ZNF286A: variants seen among roughly 807,000 people sequenced by gnomAD.
ZNF286A encodes the protein zinc finger protein ZNF286.
Under a neutral mutation model 49.3 loss-of-function variants are expected in ZNF286A, and 34 were observed. The ratio of observed to expected loss-of-function variants is 0.69; its 90% confidence interval spans 0.52 to 0.92. The LOEUF is 0.92. Among genes scored for constraint, ZNF286A ranks in the 40% least tolerant of loss-of-function variants. The probability of loss-of-function intolerance (pLI) is 0.00; values close to 1 mark genes in which losing one functional copy is unlikely to be tolerated. For missense variants in ZNF286A, 462 were observed against 600.2 expected (o/e 0.77, Z 2.41); for synonymous variants, 155 against 200.4 (o/e 0.77, Z 1.91).
At chr17:15,712,624 T>C (rs932466806) in intron 5 of ZNF286A, among the ~76,000 whole-genome samples, 1 of 152,232 alleles carries the variant, frequency 6.6e-6, no homozygotes, top group African/African-American at 2.4e-5. Flanking sequence ...TCACTGTATT[T>C]ACCTAATTAT....
intron 3 of ZNF286A, 98 bp downstream of exon 3, chr17:15,701,338 A>G (rs1989761755): frequency 1.9e-6 from 2 of 1,046,416 alleles, no homozygotes; most frequent in Non-Finnish European, 1.4e-6. Flanking sequence ...ACTAAAGCCC[A>G]TCTGCAGAGC....
rs1989752740 is a variant in ZNF286A at position 15,701,236 on chromosome 17, C to G, written c.122C>G (p.Ser41Cys). 2 of 1,614,034 alleles carry G rather than the reference C, an allele frequency of 1.2e-6. No homozygotes were observed. Among genetic ancestry groups the G allele is most frequent in the Non-Finnish European group, 1.7e-6 (2 of 1,179,994 alleles). The change falls in exon 3 of 6, where the codon TCC becomes TGC. Residue 41 changes from serine (S) to cysteine (C), a missense_variant. Ser to Cys is a moderately radical substitution (Grantham distance 112). Transcript: ENST00000583566. The part of the protein sequence containing the change: ...EVAALRLTAR[S>C]QETVTFKDVA... Reference sequence around the variant, plus strand: ...GCTGCTCTGCGCCTCACGGCCAGATCCCAGGTGAGTGAGTGCTGATTATTG... The same window carrying G: ...GCTGCTCTGCGCCTCACGGCCAGATGCCAGGTGAGTGAGTGCTGATTATTG...
chr17:15,706,244 G>T (rs1990217927), intron 3 of ZNF286A, 143 bp from the exon 4 acceptor site: 2 of 632,174 alleles, frequency 3.2e-6, no homozygotes, highest in African/African-American at 1.8e-5. Context: ...CGAATCTGAC[G>T]ACCATTAGAA....
intron 5 of ZNF286A, among the ~76,000 whole-genome samples, chr17:15,712,023 C>T (rs1356295945): frequency 1.3e-5 from 2 of 151,996 alleles, no homozygotes; most frequent in Non-Finnish European, 2.9e-5. Flanking sequence ...AGGTGCCCGC[C>T]ACCACACCCG....
At position 15,708,395 on chromosome 17, in the gene ZNF286A, G is replaced by C. The variant is rs139765851; in HGVS notation, c.334+148G>C. The C allele has an allele frequency of 1.6e-4, 78 of 497,338 alleles. 3 individuals are homozygous for C. Among genetic ancestry groups the C allele is most frequent in the East Asian group, 1.3e-3 (38 of 29,274 alleles). 30.8% of individuals were successfully genotyped at this position (497,338 alleles called of 1,614,324 possible). A position where few individuals can be genotyped will look rare whatever the true frequency, so the allele number is the denominator to read the frequency against. On this transcript the variant is annotated intron_variant, in intron 5 of 5. Coordinates refer to ENST00000583566, the MANE Select transcript of ZNF286A (RefSeq NM_001130842.2). Reference sequence around the variant, plus strand: ...CATTTAAAATATATACAGAAGTCCAGAAAATAAAATAACATTCATGTATCC... The same window carrying C: ...CATTTAAAATATATACAGAAGTCCACAAAATAAAATAACATTCATGTATCC...
intron 5 of ZNF286A, among the ~76,000 whole-genome samples, chr17:15,710,917 A>AT (rs57532299): frequency 0.32 from 45,804 of 144,852 alleles, 7,215 homozygotes; most frequent in East Asian, 0.48. Flanking sequence ...TACAAGTTTA[A>AT]TTTTTTTTTT....
chr17:15,708,227 C>T lies in ZNF286A; in HGVS notation c.314C>T (p.Ala105Val). The T allele has an allele frequency of 1.3e-6, 2 of 1,588,986 alleles. No homozygotes were observed. The highest frequency in any genetic ancestry group is 1.7e-6 in the Non-Finnish European group (2 of 1,167,746). Reference sequence around the variant, plus strand: ...GAACCATTGAAGCTTGAGAGAAAAGCCCCCAAAAGCAGCTATTCAGGTGAG... The same window carrying T: ...GAACCATTGAAGCTTGAGAGAAAAGTCCCCAAAAGCAGCTATTCAGGTGAG... ...GKEPLKLERK[A>V]PKSSYSDMET... Residue 105 changes from alanine (A) to valine (V), a missense_variant, in exon 5 of 6, where the codon GCC becomes GTC. This residue lies in a region of ZNF286A where 259 missense variants were observed against 272.2 expected (regional missense o/e 0.95). Coordinates refer to ENST00000583566, the MANE Select transcript of ZNF286A (RefSeq NM_001130842.2).
chr17:15,704,969 GGGGGCCCAACT>G (rs1990109474), intron 3 of ZNF286A: 3 of 1,271,346 alleles, frequency 2.4e-6, no homozygotes, highest in African/African-American at 3.0e-5. Context: ...CGGCCGGGGC[GGGGGCCCAACT>G]GCTGCCGCTG....
chr17:15,711,304 C>T (rs1478276615), intron 5 of ZNF286A: 1 of 152,070 alleles, frequency 6.6e-6, no homozygotes, highest in Admixed American at 6.5e-5. Context: ...ATATATTTGC[C>T]TCTGTTTACT....
At position 15,716,818 on chromosome 17, in the gene ZNF286A, A is replaced by T; in HGVS notation, c.1094A>T (p.His365Leu). 1 of 1,613,842 alleles carries T rather than the reference A, an allele frequency of 6.2e-7. No individual in the cohort carries two copies. Among genetic ancestry groups the T allele is most frequent in the Non-Finnish European group, 8.5e-7 (1 of 1,179,826 alleles). The change falls in exon 6 of 6, where the codon CAT becomes CTT. Residue 365 changes from histidine to leucine, a missense_variant. His to Leu is a moderately conservative substitution (Grantham distance 99, BLOSUM62 -3). Transcript: ENST00000583566. Reference protein sequence around the residue: ...ECNECDKAFIHSSALIKHQRT... With the variant: ...ECNECDKAFILSSALIKHQRT... ...AATGAATGTGATAAAGCTTTTATTCATTCATCAGCACTCATTAAACATCAA... is the reference window on the plus strand; with the variant it reads ...AATGAATGTGATAAAGCTTTTATTCTTTCATCAGCACTCATTAAACATCAA...
At chr17:15,709,849 A>G (rs1379246066) in intron 5 of ZNF286A, 23 of 1,546,628 alleles carry the variant, frequency 1.5e-5, no homozygotes, top group South Asian at 2.4e-5. Context: ...TTGATTCCTT[A>G]TGTTCATCTT....
rs1967260680 is a variant in ZNF286A at position 15,719,395 on chromosome 17, C to CCT, written c.*2108_*2109dup. ...CTGAGTAGCTGCAGCGGAGGTTGTG[C>CCT]CTCTGGGCTTTAATATCACAAACAG... On this transcript the variant is annotated 3_prime_UTR_variant, in exon 6 of 6. Coordinates refer to ENST00000583566, the MANE Select transcript of ZNF286A (RefSeq NM_001130842.2). 1 of 146,034 alleles carries CCT rather than the reference C, an allele frequency of 6.8e-6. No homozygotes were observed. The highest frequency in any genetic ancestry group is 1.5e-5 in the Non-Finnish European group (1 of 66,708). The allele number at this position is 146,034 out of a possible 1,614,324, so 9.0% of individuals were successfully genotyped here.
chr17:15,714,152 C>T (rs942918850), intron 5 of ZNF286A, among the ~76,000 whole-genome samples: 14 of 148,774 alleles, frequency 9.4e-5, no homozygotes, highest in Admixed American at 2.0e-4. Flanking sequence ...AATGTTTATG[C>T]TTCCTTAGAC....
rs1567703678 is a variant in ZNF286A, at chr17:15,704,067, T to TTTA, written c.127-2318_127-2317insATT. ...AATAATTCTCTTATTATTATTATTA[T>TTTA]TTTTTTTTTTTTGCTTTTCCAACTT... On this transcript the variant is annotated intron_variant, in intron 3 of 5. Transcript: ENST00000583566. Among the ~76,000 whole-genome samples the TTTA allele has an allele frequency of 5.5e-5, 6 of 109,212 alleles. No homozygotes were observed. The South Asian group carries it at 2.0e-3, about 37-fold the overall frequency. 71.6% of individuals were successfully genotyped at this position (109,212 alleles called of 152,430 possible).
At chr17:15,711,865 C>T (rs953502073) in intron 5 of ZNF286A, among the ~76,000 whole-genome samples, 1 of 101,896 alleles carries the variant, frequency 9.8e-6, no homozygotes, top group South Asian at 4.1e-4. Flanking sequence ...AATCTGCCCC[C>T]CCCCCGGCTT....
Position 15,706,404 on chromosome 17 carries a change from G to A in ZNF286A, c.144G>A (p.Lys48=), listed in dbSNP as rs1567705727. 1 of 1,613,928 alleles carries A rather than the reference G, an allele frequency of 6.2e-7. No individual in the cohort carries two copies. The highest frequency in any genetic ancestry group is 8.5e-7 in the Non-Finnish European group (1 of 1,179,886). ...TARSQETVTF[K]DVAMDFTPEE... is the part of the protein sequence containing the mutation. The stretch of plus-strand genomic sequence containing the variant: ...TGTTTTAGGAAACAGTGACATTCAA[G>A]GATGTGGCCATGGACTTTACACCAG... Residue 48 remains lysine (K), a synonymous_variant, in exon 4 of 6, where the codon AAG becomes AAA. Transcript: ENST00000583566.
Position 15,717,190 on chromosome 17 carries a change from C to T in ZNF286A, c.1466C>T (p.Thr489Ile). The T allele has an allele frequency of 6.2e-7, 1 of 1,607,602 alleles. No individual in the cohort carries two copies. Among genetic ancestry groups the T allele is most frequent in the Non-Finnish European group, 8.5e-7 (1 of 1,176,838 alleles). Residue 489 changes from threonine (T) to isoleucine (I), a missense_variant, in exon 6 of 6, where the codon ACC becomes ATC. By Grantham distance (89) the Thr-to-Ile change is moderately conservative. Transcript: ENST00000583566. ...CTCATTCAACATCAGAGAACTCATA[C>T]CGGAGAGAAACCCTTTAGATGTAAT... ...SALIQHQRTH[T>I]GEKPFRCNEC...
rs538765649 is a variant in ZNF286A at position 15,700,836 on chromosome 17, A to G, written c.38-316A>G. Among the ~76,000 whole-genome samples the G allele has an allele frequency of 2.5e-5, 3 of 120,704 alleles. No individual in the cohort carries two copies. The East Asian group carries it at 8.3e-4, about 33-fold the overall frequency. 79.2% of individuals were successfully genotyped at this position (120,704 alleles called of 152,430 possible). ...GAGGTGGGGTCCAGCAATCTACATTATAAATAAGCTTTCAGAGTGAGAACC... is the reference window on the plus strand; with the variant it reads ...GAGGTGGGGTCCAGCAATCTACATTGTAAATAAGCTTTCAGAGTGAGAACC... On this transcript the variant is annotated intron_variant, in intron 2 of 5. Transcript: ENST00000583566.
At position 15,708,175 on chromosome 17, in the gene ZNF286A, G is replaced by C. The variant is rs752823065; in HGVS notation, c.262G>C (p.Glu88Gln). ...AATAGGGCTTCCAGTTTCCAAACCTGAGAGCTACAACTTGGAGAATGGAAA... is the reference window on the plus strand; with the variant it reads ...AATAGGGCTTCCAGTTTCCAAACCTCAGAGCTACAACTTGGAGAATGGAAA... Reference protein sequence around the residue: ...VSLWLPVSKPESYNLENGKEP... With the variant: ...VSLWLPVSKPQSYNLENGKEP... Residue 88 changes from glutamate (E) to glutamine (Q), a missense_variant, in exon 5 of 6, where the codon GAG becomes CAG. Around this residue, in one of 3 missense-constraint regions of ZNF286A, gnomAD observed 259 missense variants for 272.2 expected, o/e 0.95. Transcript: ENST00000583566. 5.7e-6 allele frequency: 9 copies of C among 1,592,740 alleles called. No individual in the cohort carries two copies. The highest frequency in any genetic ancestry group is 7.7e-6 in the Non-Finnish European group (9 of 1,170,552).
Sources: gnomAD v4.1 joint callset for allele counts (sites outside exome capture counted in the v4.1 genomes callset) on GRCh38, gnomAD v4.1.1 for gene constraint, gnomAD v4.1.1 regional missense constraint, MANE v1.5 for transcripts, NCBI Gene and HGNC (gene_info 2026-07-23, HGNC 2026-07-21) for gene names.